Variants in SLC4A5 observed in about 807,000 individuals in gnomAD.
SLC4A5 encodes solute carrier family 4 member 5, also known as electrogenic sodium bicarbonate cotransporter 4.
A neutral mutation model predicts 120.4 loss-of-function variants in SLC4A5; 96 were observed. That is an observed-to-expected ratio of 0.80 (90% CI 0.68 to 0.94). The LOEUF (loss-of-function observed/expected upper bound fraction) is 0.94. Ranked by LOEUF, SLC4A5 falls within the 40% of genes least tolerant of loss-of-function variation. The probability of loss-of-function intolerance (pLI) is 0.00; values close to 1 mark genes in which losing one functional copy is unlikely to be tolerated. For synonymous variants in SLC4A5, 550 were observed against 571.1 expected (o/e 0.96, Z 0.53); for missense variants, 1,259 against 1,459.5 (o/e 0.86, Z 2.24).
exon 4 of SLC4A5, chr2:74,334,045 T>C (rs1478691526): frequency 6.6e-6 from 1 of 152,216 alleles, no homozygotes; most frequent in Non-Finnish European, 1.5e-5. Flanking sequence ...GTGCAATTTT[T>C]GGCTTCCAGA....
chr2:74,216,844 G>C (rs1160670148), exon 31 of SLC4A5: 5 of 152,140 alleles, frequency 3.3e-5, no homozygotes, highest in Admixed American at 3.3e-4. Context: ...CCTGACCTCT[G>C]CTGATTCCCC....
intron 7 of SLC4A5, among the ~76,000 whole-genome samples, chr2:74,287,309 G>A (rs1672015008): frequency 6.6e-6 from 1 of 152,138 alleles, no homozygotes; most frequent in South Asian, 2.1e-4. Context: ...GGCTTGGGCT[G>A]GGGGATGGCT....
intron 21 of SLC4A5, among the ~76,000 whole-genome samples, chr2:74,236,895 A>G (rs1451439944): frequency 6.6e-6 from 1 of 151,802 alleles, no homozygotes; most frequent in Admixed American, 6.6e-5. Context: ...CAAGACCTTC[A>G]TCTGTCTACC....
chr2:74,260,518 C>A (rs1671102364), intron 11 of SLC4A5, among the ~76,000 whole-genome samples: 2 of 152,178 alleles, frequency 1.3e-5, no homozygotes, highest in African/African-American at 4.8e-5. Flanking sequence ...GAGCAGTCCC[C>A]TCTGGCACCT....
chr2:74,275,882 G>A (rs569451634), intron 8 of SLC4A5, among the ~76,000 whole-genome samples: 7 of 152,294 alleles, frequency 4.6e-5, no homozygotes, highest in African/African-American at 1.7e-4. Context: ...AGGTCATGCA[G>A]CTCATAAGAG....
chr2:74,273,703 A>G lies in SLC4A5; in HGVS notation c.402-8439T>C, dbSNP rs189661450. Among the ~76,000 whole-genome samples the G allele has an allele frequency of 2.9e-3, 435 of 152,368 alleles. 3 individuals carry two copies. Among genetic ancestry groups the G allele is most frequent in the African/African-American group, 3.5e-3 (146 of 41,584 alleles). ...AGTTTTTTAACTTCATATGAGTCATATCAGGATACTGAATTTCCCAACAGA... is the reference window on the plus strand; with the variant it reads ...AGTTTTTTAACTTCATATGAGTCATGTCAGGATACTGAATTTCCCAACAGA... On this transcript the variant is annotated intron_variant, in intron 8 of 30. Transcript: ENST00000394019.
chr2:74,232,368 G>T, intron 24 of SLC4A5, 101 bp downstream of exon 24: 7 of 1,366,908 alleles, frequency 5.1e-6, no homozygotes, highest in African/African-American at 4.4e-5. Context: ...CAGAGCGGGG[G>T]CCCTTTTTGT....
chr2:74,219,697 A>T (rs1451857210), intron 30 of SLC4A5, among the ~76,000 whole-genome samples: 2 of 152,168 alleles, frequency 1.3e-5, no homozygotes, highest in Non-Finnish European at 2.9e-5. Flanking sequence ...ACTGCCTGAA[A>T]TTGGGAGTAG....
At chr2:74,239,180 C>A (rs1250086350) in intron 21 of SLC4A5, among the ~76,000 whole-genome samples, 155 bp downstream of exon 21, 7 of 152,168 alleles carry the variant, frequency 4.6e-5, no homozygotes, top group Non-Finnish European at 1.0e-4. Context: ...GGGGACCAGC[C>A]AACAAGGGAA....
intron 5 of SLC4A5, among the ~76,000 whole-genome samples, chr2:74,324,153 G>T (rs79395764): frequency 0.033 from 4,977 of 152,238 alleles, 281 homozygotes; most frequent in African/African-American, 0.11. Flanking sequence ...AAATCTATTT[G>T]TTCAAAGTGA....
intron 8 of SLC4A5, among the ~76,000 whole-genome samples, chr2:74,278,169 T>C (rs1394917065): frequency 1.3e-5 from 2 of 152,198 alleles, no homozygotes; most frequent in East Asian, 1.9e-4. Flanking sequence ...GAGTGAGCTA[T>C]CCAGGGATGA....
chr2:74,282,902 A>C (rs1671858224), intron 8 of SLC4A5, among the ~76,000 whole-genome samples: 1 of 152,180 alleles, frequency 6.6e-6, no homozygotes, highest in Non-Finnish European at 1.5e-5. Context: ...TCTGGGCAGG[A>C]GAGGCCCTCG....
At chr2:74,262,326 T>C in intron 10 of SLC4A5, 94 bp from the exon 11 acceptor site, 1 of 778,596 alleles carries the variant, frequency 1.3e-6, no homozygotes, top group Non-Finnish European at 2.0e-6. Flanking sequence ...TAAAACTGGG[T>C]GGCAAGACAT....
intron 7 of SLC4A5, among the ~76,000 whole-genome samples, chr2:74,286,704 T>C (rs1375141468): frequency 6.6e-6 from 1 of 152,052 alleles, no homozygotes; most frequent in Non-Finnish European, 1.5e-5. Context: ...TCATAAGTTG[T>C]CTAAAATAAA....
intron 27 of SLC4A5, 131 bp from the exon 28 acceptor site, chr2:74,225,126 C>A: frequency 1.2e-6 from 1 of 810,404 alleles, no homozygotes; most frequent in African/African-American, 1.7e-5. Context: ...GTCTTTGGAG[C>A]CGTCTCGAAG....
chr2:74,216,669 C>CA (rs1553449749), exon 31 of SLC4A5: 1 of 152,132 alleles, frequency 6.6e-6, no homozygotes, highest in East Asian at 1.9e-4. Context: ...AGTGCAGTGG[C>CA]ATGATTATAG....
chr2:74,285,452 A>AT (rs1187044561), intron 8 of SLC4A5, among the ~76,000 whole-genome samples: 1 of 152,136 alleles, frequency 6.6e-6, no homozygotes, highest in Non-Finnish European at 1.5e-5. Flanking sequence ...ATATATGCGG[A>AT]TTTTGCCATC....
chr2:74,302,284 G>A (rs959318630), intron 7 of SLC4A5, among the ~76,000 whole-genome samples: 3 of 152,162 alleles, frequency 2.0e-5, no homozygotes, highest in Admixed American at 6.5e-5. Context: ...TATAGGAAGA[G>A]CAGACGGTGA....
chr2:74,216,785 A>G (rs1029486687), exon 31 of SLC4A5: 1 of 151,948 alleles, frequency 6.6e-6, no homozygotes, highest in Non-Finnish European at 1.5e-5. Flanking sequence ...ATTTTTAAAC[A>G]TTTGTTTAGA....
Sources: gnomAD v4.1 joint callset for allele counts (sites outside exome capture counted in the v4.1 genomes callset) on GRCh38, gnomAD v4.1.1 for gene constraint, MANE v1.5 for transcripts, NCBI Gene and HGNC (gene_info 2026-07-23, HGNC 2026-07-21) for gene names.